DCAF12: variants seen among roughly 807,000 people sequenced by gnomAD.
DCAF12 encodes DDB1 and CUL4 associated factor 12, also known as DDB1- and CUL4-associated factor 12.
Under a neutral mutation model 52.8 loss-of-function variants are expected in DCAF12, and 28 were observed. That is an observed-to-expected ratio of 0.53 (90% CI 0.39 to 0.73). The LOEUF (loss-of-function observed/expected upper bound fraction) is 0.73. DCAF12 is among the 30% of genes least tolerant of loss of function. The pLI is 0.00. For missense variants in DCAF12, 425 were observed against 552.2 expected (o/e 0.77, Z 2.31); for synonymous variants, 196 against 215.5 (o/e 0.91, Z 0.79).
chr9:34,105,733 C>G (rs1204870222), intron 4 of DCAF12, among the ~76,000 whole-genome samples: 1 of 150,684 alleles, frequency 6.6e-6, no homozygotes, highest in East Asian at 1.9e-4. Flanking sequence ...TTTTATCTAT[C>G]TATCTTATCT....
intron 2 of DCAF12, 31 bp downstream of exon 2, chr9:34,124,985 CGACCTAG>C: frequency 6.2e-7 from 1 of 1,605,526 alleles, no homozygotes. Context: ...AATATATCCA[CGACCTAG>C]GAGAGAGGTC....
chr9:34,091,295 C>A (rs563959835), intron 7 of DCAF12, among the ~76,000 whole-genome samples: 1 of 152,050 alleles, frequency 6.6e-6, no homozygotes, highest in East Asian at 1.9e-4. Flanking sequence ...CCACTCCACT[C>A]CAGCCTAGGT....
In DCAF12 at chr9:34,093,904, T is replaced by C. The variant is rs963042532; in HGVS notation, c.862-456A>G. On this transcript the variant is annotated intron_variant, in intron 6 of 8. Transcript: ENST00000361264. ...CCACCTGAATGGGAATTGTACGCTA[T>C]AGAAAGCACGCCCATGGGACTAGCT... 45 of 175,394 alleles carry C rather than the reference T, an allele frequency of 2.6e-4. 1 individual carries two copies. Among genetic ancestry groups the C allele is most frequent in the Admixed American group, 2.1e-3 (39 of 18,264 alleles). The allele number at this position is 175,394 out of a possible 1,614,324, so 10.9% of individuals were successfully genotyped here. A position where few individuals can be genotyped will look rare whatever the true frequency, so the allele number is the denominator to read the frequency against.
intron 2 of DCAF12, among the ~76,000 whole-genome samples, chr9:34,122,473 A>G (rs1180734660): frequency 1.6e-5 from 2 of 127,674 alleles, no homozygotes; most frequent in East Asian, 2.2e-4. Context: ...ATTAGTATCA[A>G]TTTTTTTTTT....
chr9:34,116,654 G>A (rs1202050638), intron 2 of DCAF12, among the ~76,000 whole-genome samples: 1 of 151,704 alleles, frequency 6.6e-6, no homozygotes, highest in Non-Finnish European at 1.5e-5. Context: ...GGGCAACAGG[G>A]CAAGGTTCTG....
At chr9:34,097,281 A>C (rs1293477119) in intron 5 of DCAF12, among the ~76,000 whole-genome samples, 1 of 73,874 alleles carries the variant, frequency 1.4e-5, no homozygotes, top group African/African-American at 5.5e-5. Flanking sequence ...TTTTTTTTTG[A>C]GATGGAGTCT....
At chr9:34,111,791 G>A (rs961794973) in intron 2 of DCAF12, among the ~76,000 whole-genome samples, 47 of 152,086 alleles carry the variant, frequency 3.1e-4, no homozygotes, top group African/African-American at 4.6e-4. Flanking sequence ...CAAACCGCCC[G>A]GGTGGCCACT....
At chr9:34,116,891 A>C (rs970587306) in intron 2 of DCAF12, among the ~76,000 whole-genome samples, 4 of 152,296 alleles carry the variant, frequency 2.6e-5, no homozygotes, top group Admixed American at 6.5e-5. Flanking sequence ...AGGCAGAAGA[A>C]TCGCTTGAAC....
At chr9:34,121,207 A>C (rs182753675) in intron 2 of DCAF12, among the ~76,000 whole-genome samples, 2 of 152,234 alleles carry the variant, frequency 1.3e-5, no homozygotes, top group African/African-American at 4.8e-5. Context: ...AACCACAAAA[A>C]GATCAAACAT....
At chr9:34,126,333 T>C (rs778665963) in intron 1 of DCAF12, 21 bp downstream of exon 1, 1 of 1,611,658 alleles carries the variant, frequency 6.2e-7, no homozygotes, top group Non-Finnish European at 8.5e-7. Context: ...ACCACCCAGG[T>C]GCCGGCCTCT....
rs966671952 is a variant in DCAF12, at chr9:34,087,808, C to A, written c.*542G>T. The A allele has an allele frequency of 5.9e-5, 9 of 152,096 alleles. No homozygotes were observed. The highest frequency in any genetic ancestry group is 1.9e-4 in the African/African-American group (8 of 41,410). 9.4% of individuals were successfully genotyped at this position (152,096 alleles called of 1,614,324 possible). ...CTGGACTCTGTGAATAAAGTTGTTT[C>A]TTTTATAAATATTTTAATTACAAGT... On this transcript the variant is annotated 3_prime_UTR_variant, in exon 9 of 9. Coordinates refer to ENST00000361264, the MANE Select transcript of DCAF12 (RefSeq NM_015397.4).
In DCAF12 at chr9:34,087,111, A is replaced by G. The variant is rs1406153704; in HGVS notation, c.*1239T>C. ...TTACTAATCACATTGATGCTGTCAC[A>G]TGCACAATGATGCTGACTGCAGGCC... is the stretch of plus-strand genomic sequence containing the variant. On this transcript the variant is annotated 3_prime_UTR_variant, in exon 9 of 9. Transcript: ENST00000361264. The G allele has an allele frequency of 6.6e-6, 1 of 152,248 alleles. No individual in the cohort carries two copies. 9.4% of individuals were successfully genotyped at this position (152,248 alleles called of 1,614,324 possible). A position where few individuals can be genotyped will look rare whatever the true frequency, so the allele number is the denominator to read the frequency against.
chr9:34,089,361 A>G (rs1329837149), intron 8 of DCAF12, 51 bp downstream of exon 8: 8 of 1,530,532 alleles, frequency 5.2e-6, no homozygotes, highest in South Asian at 1.2e-5. Context: ...ATAGAGGAAG[A>G]TAATTTTTCT....
chr9:34,091,639 C>CAAAAA (rs34922785), intron 7 of DCAF12, among the ~76,000 whole-genome samples: 6,160 of 80,360 alleles, frequency 0.077, 357 homozygotes, highest in Non-Finnish European at 0.11. Context: ...ACCCTGTCTT[C>CAAAAA]AAAAAAAAAA....
chr9:34,123,654 T>A (rs888946668), intron 2 of DCAF12, among the ~76,000 whole-genome samples: 1 of 152,210 alleles, frequency 6.6e-6, no homozygotes, highest in Admixed American at 6.5e-5. Flanking sequence ...TTACTTATTA[T>A]GCTCGCCTTC....
At position 34,098,428 on chromosome 9, in the gene DCAF12, C is replaced by T. The variant is rs1449980383; in HGVS notation, c.691G>A (p.Val231Met). ...GCCTTGTGAGTGATGTGTGCATACA[C>T]AGGGACCCGTGACACATTGTGTCTC... ...DARHNVSRVP[V>M]YAHITHKALK... The change falls in exon 5 of 9, where the codon GTG becomes ATG. Residue 231 changes from valine (V) to methionine (M), a missense_variant. Val to Met is a conservative substitution (Grantham distance 21). Coordinates refer to ENST00000361264, the MANE Select transcript of DCAF12 (RefSeq NM_015397.4). The T allele has an allele frequency of 2.5e-6, 4 of 1,614,232 alleles. No individual in the cohort carries two copies. The highest frequency in any genetic ancestry group is 1.6e-4 in the Middle Eastern group (1 of 6,062).
At chr9:34,098,608 G>A (rs1828777109) in intron 4 of DCAF12, 91 bp from the exon 5 acceptor site, 5 of 1,359,592 alleles carry the variant, frequency 3.7e-6, no homozygotes, top group Non-Finnish European at 5.0e-6. Flanking sequence ...TAGTCTAGCT[G>A]TTTGTGCATC....
intron 2 of DCAF12, among the ~76,000 whole-genome samples, chr9:34,116,698 C>G (rs1422485548): frequency 6.6e-6 from 1 of 151,474 alleles, no homozygotes; most frequent in Non-Finnish European, 1.5e-5. Flanking sequence ...ATAAATAAAT[C>G]CGGCCGGGCA....
intron 4 of DCAF12, among the ~76,000 whole-genome samples, chr9:34,098,919 C>T (rs1828783628): frequency 2.0e-5 from 3 of 151,732 alleles, no homozygotes; most frequent in Admixed American, 2.0e-4. Context: ...CAGGTGCCTG[C>T]TCCATGCCTG....
Sources: gnomAD v4.1 joint callset for allele counts (sites outside exome capture counted in the v4.1 genomes callset) on GRCh38, gnomAD v4.1.1 for gene constraint, MANE v1.5 for transcripts, NCBI Gene and HGNC (gene_info 2026-07-23, HGNC 2026-07-21) for gene names.